Variants in CAMK4 observed in about 807,000 individuals in gnomAD.
The protein encoded by CAMK4 is calcium/calmodulin dependent protein kinase IV.
Under a neutral mutation model 44.9 loss-of-function variants are expected in CAMK4, and 22 were observed. That is an observed-to-expected ratio of 0.49 (90% confidence interval 0.35 to 0.70). The LOEUF (loss-of-function observed/expected upper bound fraction) is 0.70. Among genes scored for constraint, CAMK4 ranks in the 30% least tolerant of loss-of-function variants. The pLI, the probability that CAMK4 is intolerant of heterozygous loss-of-function variation, is 0.01. For missense variants in CAMK4, 498 were observed against 586.8 expected, an observed-to-expected ratio of 0.85 and a Z score of 1.56; for synonymous variants, 218 against 215.4, an observed-to-expected ratio of 1.01 and a Z score of -0.11.
Position 111,484,232 on chromosome 5 carries a change from G to A in CAMK4, c.1188G>A (p.Lys396=), listed in dbSNP as rs1436374140. The change falls in exon 11 of 11, where the codon AAG becomes AAA. Residue 396 remains lysine, a synonymous_variant. Transcript: ENST00000282356. This position sits in a 1 kb window ranked among gnomAD's most constrained non-coding sequence, Gnocchi z 5.3. Reference sequence around the variant, plus strand: ...AGGGGGCACAGGCTGAGCTGATGAAGGTGCAAGCCTTAGAGAAAGTTAAAG... The same window carrying A: ...AGGGGGCACAGGCTGAGCTGATGAAAGTGCAAGCCTTAGAGAAAGTTAAAG... The part of the protein sequence containing the change: ...AVKGAQAELM[K]VQALEKVKGA... 6.2e-7 allele frequency: 1 copy of A among 1,613,988 alleles called. No individual in the cohort carries two copies. The highest frequency in any genetic ancestry group is 1.3e-5 in the African/African-American group (1 of 74,938).
chr5:111,466,022 C>G (rs1273101267), intron 7 of CAMK4, among the ~76,000 whole-genome samples: 1 of 152,044 alleles, frequency 6.6e-6, no homozygotes, highest in Non-Finnish European at 1.5e-5. Context: ...GGTTTCATAC[C>G]AGGGATGCAG....
chr5:111,372,507 A>G (rs71579149), intron 2 of CAMK4, among the ~76,000 whole-genome samples: 9 of 152,140 alleles, frequency 5.9e-5, no homozygotes, highest in Admixed American at 5.9e-4. Flanking sequence ...TGCCGTTTGG[A>G]AAGGAGAGAC....
intron 1 of CAMK4, among the ~76,000 whole-genome samples, chr5:111,343,148 C>A (rs548740114): frequency 6.6e-6 from 1 of 151,630 alleles, no homozygotes. Context: ...TACAACACAC[C>A]AGTCTTTGAC....
intron 1 of CAMK4, among the ~76,000 whole-genome samples, chr5:111,262,255 G>C (rs1479865032): frequency 2.0e-5 from 3 of 152,098 alleles, no homozygotes; most frequent in South Asian, 4.2e-4. Flanking sequence ...CTAAACCAAA[G>C]GGGGAGGAGT....
intron 4 of CAMK4, among the ~76,000 whole-genome samples, chr5:111,383,216 G>A (rs1263800762): frequency 6.6e-6 from 1 of 152,148 alleles, no homozygotes; most frequent in Non-Finnish European, 1.5e-5. Flanking sequence ...GAAAAGGCAT[G>A]AAGGGAATGA....
In CAMK4 at chr5:111,484,454, G is replaced by A; in HGVS notation, c.1410G>A (p.Leu470=). The A allele has an allele frequency of 6.6e-7, 1 of 1,516,256 alleles. No homozygotes were observed. Among genetic ancestry groups the A allele is most frequent in the Non-Finnish European group, 8.8e-7 (1 of 1,133,222 alleles). The allele number at this position is 1,516,256 out of a possible 1,614,324, so 93.9% of individuals were successfully genotyped here. The change falls in exon 11 of 11, where the codon CTG becomes CTA. Residue 470 remains leucine, a synonymous_variant. Coordinates refer to ENST00000282356, the MANE Select transcript of CAMK4 (RefSeq NM_001744.6). The surrounding 1 kb of genome is among the most constrained non-coding windows in gnomAD (Gnocchi z 5.3). ...GFEVPQQDVI[L]PEY ...AAGTTCCACAGCAAGATGTGATCCTGCCAGAGTACTAAACAGCTTCCTTCA... is the reference window on the plus strand; with the variant it reads ...AAGTTCCACAGCAAGATGTGATCCTACCAGAGTACTAAACAGCTTCCTTCA...
At chr5:111,458,183 T>G (rs1397407873) in intron 7 of CAMK4, among the ~76,000 whole-genome samples, 1 of 152,206 alleles carries the variant, frequency 6.6e-6, no homozygotes, top group South Asian at 2.1e-4. Flanking sequence ...GCCACAGGCA[T>G]GCTTGCAGCA....
intron 1 of CAMK4, among the ~76,000 whole-genome samples, chr5:111,285,721 G>A (rs1751213547): frequency 1.3e-5 from 2 of 152,154 alleles, no homozygotes; most frequent in African/African-American, 4.8e-5. Context: ...TTAATGGTGA[G>A]TTGCTTATGT....
intron 2 of CAMK4, among the ~76,000 whole-genome samples, chr5:111,350,632 CG>C (rs375818529): frequency 7.3e-4 from 111 of 152,004 alleles, no homozygotes; most frequent in African/African-American, 2.6e-3. Context: ...AATAGAAAAA[CG>C]GTTCCAGGTC....
chr5:111,227,266 A>G (rs1255106729), intron 1 of CAMK4, among the ~76,000 whole-genome samples: 1 of 152,206 alleles, frequency 6.6e-6, no homozygotes, highest in East Asian at 1.9e-4. Flanking sequence ...AGTGACTAAA[A>G]TCTTCTTTCT....
intron 2 of CAMK4, among the ~76,000 whole-genome samples, chr5:111,344,328 G>A (rs1199346060): frequency 6.6e-6 from 1 of 151,506 alleles, no homozygotes; most frequent in East Asian, 2.0e-4. Flanking sequence ...GGAGAAGATT[G>A]GCAAGGAAAA....
At chr5:111,441,347 A>T (rs1157264004) in intron 5 of CAMK4, among the ~76,000 whole-genome samples, 2 of 152,238 alleles carry the variant, frequency 1.3e-5, no homozygotes, top group African/African-American at 4.8e-5. Context: ...TTAAAAATAT[A>T]ACACACTTAA....
intron 1 of CAMK4, among the ~76,000 whole-genome samples, chr5:111,336,728 A>C (rs1749420958): frequency 6.6e-6 from 1 of 151,162 alleles, no homozygotes. Context: ...TTTTATGTGA[A>C]TTTTTGAGTA....
At chr5:111,405,687 G>A (rs909334500) in intron 5 of CAMK4, among the ~76,000 whole-genome samples, 1 of 152,130 alleles carries the variant, frequency 6.6e-6, no homozygotes, top group South Asian at 2.1e-4. Flanking sequence ...AGGGGCTCAG[G>A]TGACTTACTA....
intron 1 of CAMK4, among the ~76,000 whole-genome samples, chr5:111,251,533 G>T (rs1353262622): frequency 2.0e-5 from 3 of 152,216 alleles, no homozygotes; most frequent in East Asian, 3.8e-4. Context: ...CTGGAAGGAA[G>T]GCAGAGCTGG....
Position 111,453,850 on chromosome 5 carries a change from G to T in CAMK4, c.625+4647G>T, listed in dbSNP as rs866221723. On this transcript the variant is annotated intron_variant, in intron 7 of 10. Coordinates refer to ENST00000282356, the MANE Select transcript of CAMK4 (RefSeq NM_001744.6). ...TGAACAGTTTAGGATTGCCTAGTTT[G>T]AATAATTTGTGTGGGTTGCCTGGCT... Among the ~76,000 whole-genome samples the T allele has an allele frequency of 3.3e-5, 5 of 152,128 alleles. No individual in the cohort carries two copies. In the South Asian group the frequency reaches 1.0e-3, roughly 31 times the overall value.
intron 4 of CAMK4, among the ~76,000 whole-genome samples, chr5:111,385,563 ATG>A (rs56795704): frequency 4.0e-5 from 6 of 151,130 alleles, no homozygotes; most frequent in South Asian, 2.1e-4. Flanking sequence ...ATATATATAT[ATG>A]TGTGTGTTTT....
intron 4 of CAMK4, among the ~76,000 whole-genome samples, chr5:111,387,482 G>A (rs568770862): frequency 6.6e-6 from 1 of 152,214 alleles, no homozygotes. Flanking sequence ...GTAACTCTGA[G>A]TTTCTTCCTA....
intron 4 of CAMK4, among the ~76,000 whole-genome samples, chr5:111,390,618 C>T (rs376992): frequency 0.88 from 133,842 of 152,224 alleles, 59,061 homozygotes; most frequent in East Asian, 1. Flanking sequence ...CATTTTCAAA[C>T]TTTGTGCCAG....
Sources: allele counts gnomAD v4.1 joint callset (sites outside exome capture counted in the v4.1 genomes callset), GRCh38; gene constraint gnomAD v4.1.1; non-coding constraint Gnocchi (gnomAD v3.1); transcripts MANE v1.5; gene names NCBI Gene and HGNC (gene_info 2026-07-23, HGNC 2026-07-21).